DIP2C: variants seen among roughly 807,000 people sequenced by gnomAD.
DIP2C encodes DIP2 acetate--CoA ligase C (putative), also known as disco-interacting protein 2 homolog C.
Under a neutral mutation model 192.4 loss-of-function variants are expected in DIP2C, and 33 were observed. The observed-to-expected ratio is 0.17, with a 90% confidence interval of 0.13 to 0.23. DIP2C has a LOEUF of 0.23. DIP2C is among the 10% of genes least tolerant of loss of function. The pLI, the probability that DIP2C is intolerant of heterozygous loss-of-function variation, is 1.00. For synonymous variants in DIP2C, 979 were observed against 864.1 expected, an observed-to-expected ratio of 1.13 and a Z score of -2.33; for missense variants, 1,537 against 2,110.1, an observed-to-expected ratio of 0.73 and a Z score of 5.32.
At chr10:619,495 G>C (rs867960114) in intron 1 of DIP2C, among the ~76,000 whole-genome samples, 2 of 141,994 alleles carry the variant, frequency 1.4e-5, no homozygotes, top group African/African-American at 5.4e-5. Flanking sequence ...GCAGAATATC[G>C]GGAGCACAGG....
At chr10:290,609 G>A (rs1331756387) in intron 32 of DIP2C, among the ~76,000 whole-genome samples, 1 of 152,224 alleles carries the variant, frequency 6.6e-6, no homozygotes, top group African/African-American at 2.4e-5. Flanking sequence ...AAAAGCCAGC[G>A]AACCGTGGGC....
At chr10:410,627 A>C (rs140420078) in intron 8 of DIP2C, among the ~76,000 whole-genome samples, 6 of 152,356 alleles carry the variant, frequency 3.9e-5, no homozygotes, top group African/African-American at 1.4e-4. Context: ...ATTACAATCA[A>C]TTCTTTGCAA....
intron 1 of DIP2C, among the ~76,000 whole-genome samples, chr10:492,013 C>G (rs1052824291): frequency 1.3e-5 from 2 of 152,180 alleles, no homozygotes; most frequent in African/African-American, 4.8e-5. Flanking sequence ...CAAGAGGAAT[C>G]TCAAAATCCC....
At chr10:637,269 C>T (rs1359099817) in intron 1 of DIP2C, among the ~76,000 whole-genome samples, 2 of 150,614 alleles carry the variant, frequency 1.3e-5, no homozygotes, top group Non-Finnish European at 2.9e-5. Context: ...TGCCTTCGTC[C>T]ACCTAGGCTG....
Position 495,676 on chromosome 10 carries a change from A to T in DIP2C, c.86-9146T>A, listed in dbSNP as rs533416928. 7.2e-5 allele frequency among the ~76,000 whole-genome samples: 11 copies of T among 152,312 alleles called. No individual in the cohort carries two copies. The East Asian group carries it at 2.1e-3, about 29-fold the overall frequency. On this transcript the variant is annotated intron_variant, in intron 1 of 36. Transcript: ENST00000280886. Reference sequence around the variant, plus strand: ...AGTCTGTGATGCTCAAGTCCCTGATAGAAAATGGCTCAGCATTTACATAGA... The same window carrying T: ...AGTCTGTGATGCTCAAGTCCCTGATTGAAAATGGCTCAGCATTTACATAGA...
intron 2 of DIP2C, among the ~76,000 whole-genome samples, chr10:479,166 G>A (rs776149566): frequency 6.6e-6 from 1 of 152,086 alleles, no homozygotes; most frequent in Non-Finnish European, 1.5e-5. Context: ...TAAAATAAGT[G>A]CAATCAAGGA....
At chr10:288,285 A>T in intron 33 of DIP2C, 79 bp downstream of exon 33, 1 of 1,343,330 alleles carries the variant, frequency 7.4e-7, no homozygotes, top group South Asian at 1.3e-5. Flanking sequence ...TCTAAAAAAT[A>T]CATTTCCTAA....
intron 24 of DIP2C, among the ~76,000 whole-genome samples, chr10:354,905 G>A (rs938553726): frequency 2.0e-5 from 3 of 151,818 alleles, no homozygotes; most frequent in Admixed American, 2.0e-4. Flanking sequence ...ACTGGGAGAG[G>A]ACAAAGTCAG....
chr10:393,995 G>A (rs1963730437), intron 10 of DIP2C, among the ~76,000 whole-genome samples: 1 of 152,330 alleles, frequency 6.6e-6, no homozygotes, highest in East Asian at 1.9e-4. Flanking sequence ...TATGGAAAAT[G>A]GTATGGAGAT....
chr10:416,608 C>T (rs1380750822), intron 6 of DIP2C, among the ~76,000 whole-genome samples: 1 of 152,100 alleles, frequency 6.6e-6, no homozygotes, highest in African/African-American at 2.4e-5. Flanking sequence ...GAGAAAAGCC[C>T]CATTTTAAAA....
chr10:291,902 G>A (rs761462287), intron 32 of DIP2C, among the ~76,000 whole-genome samples: 6 of 152,328 alleles, frequency 3.9e-5, no homozygotes, highest in African/African-American at 7.2e-5. Context: ...TGTGGACTCC[G>A]GGAGCCAGAG....
chr10:647,554 G>A (rs1434296018), intron 1 of DIP2C, among the ~76,000 whole-genome samples: 3 of 149,212 alleles, frequency 2.0e-5, no homozygotes, highest in East Asian at 2.0e-4. Flanking sequence ...AGAACAGAGG[G>A]AAACTGAGTC....
At chr10:541,460 C>CA (rs1847980380) in intron 1 of DIP2C, among the ~76,000 whole-genome samples, 1 of 139,854 alleles carries the variant, frequency 7.2e-6, no homozygotes, top group Non-Finnish European at 1.6e-5. Context: ...CTGGACCCCC[C>CA]CGAGTGACCC....
intron 17 of DIP2C, among the ~76,000 whole-genome samples, chr10:374,543 T>A (rs138925719): frequency 6.6e-6 from 1 of 152,008 alleles, no homozygotes; most frequent in African/African-American, 2.4e-5. Flanking sequence ...TGCTGTGGAG[T>A]GGAGCCAGCG....
intron 29 of DIP2C, among the ~76,000 whole-genome samples, chr10:339,139 T>TTC (rs1402199393): frequency 6.6e-6 from 1 of 152,082 alleles, no homozygotes; most frequent in Non-Finnish European, 1.5e-5. Context: ...TTCTGCCTGA[T>TTC]TCTCTTCCCA....
Position 532,673 on chromosome 10 carries a change from G to T in DIP2C, c.86-46143C>A, listed in dbSNP as rs184655998. ...TGTGAGAGAGAGTATGGGTGTGAGA[G>T]AGAGTATGGGTGTGAGAGAGTATGG... On this transcript the variant is annotated intron_variant, in intron 1 of 36. Coordinates refer to ENST00000280886, the MANE Select transcript of DIP2C (RefSeq NM_014974.3). Among the ~76,000 whole-genome samples the T allele has an allele frequency of 6.8e-5, 6 of 88,626 alleles. No homozygotes were observed. The East Asian group carries it at 1.3e-3, about 19-fold the overall frequency. 58.1% of individuals were successfully genotyped at this position (88,626 alleles called of 152,430 possible).
intron 9 of DIP2C, among the ~76,000 whole-genome samples, chr10:404,551 CTG>C (rs748727332): frequency 2.0e-5 from 3 of 152,284 alleles, no homozygotes; most frequent in South Asian, 2.1e-4. Flanking sequence ...AATGTCCTAA[CTG>C]GAAGTAATTT....
chr10:569,460 G>A (rs76226660), intron 1 of DIP2C, among the ~76,000 whole-genome samples: 4,613 of 152,202 alleles, frequency 0.03, 231 homozygotes, highest in African/African-American at 0.1. Flanking sequence ...ACAGAATAAC[G>A]AATTGGCATT....
intron 1 of DIP2C, among the ~76,000 whole-genome samples, chr10:551,982 C>T (rs1848615915): frequency 6.6e-6 from 1 of 152,208 alleles, no homozygotes; most frequent in Non-Finnish European, 1.5e-5. Flanking sequence ...TGAGAACAGC[C>T]ACATGCAGGC....
Sources: gnomAD v4.1 joint callset for allele counts (sites outside exome capture counted in the v4.1 genomes callset) on GRCh38, gnomAD v4.1.1 for gene constraint, MANE v1.5 for transcripts, NCBI Gene and HGNC (gene_info 2026-07-23, HGNC 2026-07-21) for gene names.